SOX5: variants seen among roughly 807,000 people sequenced by gnomAD.
SOX5 encodes the protein SRY-box transcription factor 5.
In SOX5, 9 loss-of-function variants were observed where a neutral mutation model predicts 92.0. That is an observed-to-expected ratio of 0.10 (90% confidence interval 0.06 to 0.17). SOX5 has a LOEUF of 0.17. SOX5 is among the 10% of genes least tolerant of loss of function. The pLI, the probability that SOX5 is intolerant of heterozygous loss-of-function variation, is 1.00. For missense variants in SOX5, 642 were observed against 944.5 expected (o/e 0.68, Z 4.20); for synonymous variants, 344 against 336.3 (o/e 1.02, Z -0.25).
chr12:24,537,594 A>G (rs1951752106), intron 1 of SOX5, among the ~76,000 whole-genome samples: 1 of 152,206 alleles, frequency 6.6e-6, no homozygotes, highest in African/African-American at 2.4e-5. Flanking sequence ...GTCTCATTCA[A>G]GGAATTGTGA....
At chr12:23,812,151 C>T in intron 3 of SOX5, among the ~76,000 whole-genome samples, 1 of 151,922 alleles carries the variant, frequency 6.6e-6, no homozygotes, top group Non-Finnish European at 1.5e-5. Flanking sequence ...AAGAAAAAAG[C>T]CAATAAATTA....
At chr12:24,453,501 C>T (rs1942612028) in intron 1 of SOX5, among the ~76,000 whole-genome samples, 1 of 152,254 alleles carries the variant, frequency 6.6e-6, no homozygotes, top group South Asian at 2.1e-4. Context: ...CTTAACTATC[C>T]TTAAATTGTA....
chr12:24,385,888 T>C (rs1211731440), intron 1 of SOX5, among the ~76,000 whole-genome samples: 1 of 128,768 alleles, frequency 7.8e-6, no homozygotes, highest in African/African-American at 3.1e-5. Flanking sequence ...GCTGTGATCA[T>C]GCCACTCCAG....
In SOX5 at chr12:23,771,363, G is replaced by GCC. The variant is rs1276939537; in HGVS notation, c.482-15641_482-15640dup. 2.6e-5 allele frequency among the ~76,000 whole-genome samples: 4 copies of GCC among 152,238 alleles called. No individual in the cohort carries two copies. In the East Asian group the frequency reaches 7.7e-4, roughly 29 times the overall value. ...ACAACAAAAGACCTACTGTCACTGA[G>GCC]CCAGTCCCAGACATGGTGGAAACCA... On this transcript the variant is annotated intron_variant, in intron 3 of 14. Coordinates refer to ENST00000451604, the MANE Select transcript of SOX5 (RefSeq NM_006940.6).
Position 24,209,966 on chromosome 12 carries a change from C to T in SOX5, c.-2+3377G>A, listed in dbSNP as rs1224675233. 5.5e-5 allele frequency among the ~76,000 whole-genome samples: 7 copies of T among 127,380 alleles called. No individual in the cohort carries two copies. In the Admixed American group the frequency reaches 6.6e-4, roughly 12 times the overall value. The allele number at this position is 127,380 out of a possible 152,430, so 83.6% of individuals were successfully genotyped here. ...CCGGGAGGCGGAGCTTGCAGTGAGCCGAGATCCCGCCACTGCACTCCAGCC... is the reference window on the plus strand; with the variant it reads ...CCGGGAGGCGGAGCTTGCAGTGAGCTGAGATCCCGCCACTGCACTCCAGCC... On this transcript the variant is annotated intron_variant, in intron 4 of 4. Transcript: ENST00000446891.
In SOX5 at chr12:23,980,477, G is replaced by A. The variant is rs189941502; in HGVS notation, c.-1-84453C>T. Among the ~76,000 whole-genome samples, 761 of 152,194 alleles carry A rather than the reference G, an allele frequency of 5.0e-3. 3 individuals carry two copies. The highest frequency in any genetic ancestry group is 0.01 in the Middle Eastern group (3 of 292). On this transcript the variant is annotated intron_variant, in intron 4 of 4. Transcript: ENST00000446891. Reference sequence around the variant, plus strand: ...CACAATGTAGTAAGATGTATGTCCTGTTCATGAAATGACTACCATTGATGT... The same window carrying A: ...CACAATGTAGTAAGATGTATGTCCTATTCATGAAATGACTACCATTGATGT...
intron 11 of SOX5, among the ~76,000 whole-genome samples, chr12:23,551,619 T>C (rs1591988531): frequency 1.3e-5 from 2 of 152,048 alleles, no homozygotes; most frequent in South Asian, 2.1e-4. Context: ...TCCGTGAGAA[T>C]AGCCATAGAC....
At position 24,130,210 on chromosome 12, in the gene SOX5, T is replaced by C. The variant is rs563348191; in HGVS notation, c.-2+83133A>G. Among the ~76,000 whole-genome samples the C allele has an allele frequency of 1.1e-4, 16 of 152,228 alleles. No individual in the cohort carries two copies. The South Asian group carries it at 2.5e-3, about 24-fold the overall frequency. ...GAAAGCAGTGATGTGAAAATACATA[T>C]AGGAATGAAGGACCTAATACATTCC... On this transcript the variant is annotated intron_variant, in intron 4 of 4. Transcript: ENST00000446891.
intron 8 of SOX5, among the ~76,000 whole-genome samples, chr12:23,637,677 C>T (rs900935148): frequency 6.6e-6 from 1 of 152,108 alleles, no homozygotes; most frequent in Non-Finnish European, 1.5e-5. Context: ...CTGGAGAAGG[C>T]AGAATAAAGC....
intron 4 of SOX5, among the ~76,000 whole-genome samples, chr12:24,139,266 C>T (rs933168961): frequency 1.3e-5 from 2 of 152,172 alleles, no homozygotes; most frequent in African/African-American, 2.4e-5. Context: ...TCATTGGGAG[C>T]GAAAGCCAAC....
intron 6 of SOX5, among the ~76,000 whole-genome samples, chr12:23,712,153 T>C (rs1421849188): frequency 6.6e-6 from 1 of 152,158 alleles, no homozygotes; most frequent in Non-Finnish European, 1.5e-5. Context: ...CAGCCACAAC[T>C]CTTAAATCAA....
intron 4 of SOX5, among the ~76,000 whole-genome samples, chr12:24,100,045 A>T (rs1228306602): frequency 1.3e-5 from 2 of 152,148 alleles, no homozygotes; most frequent in African/African-American, 4.8e-5. Context: ...TCAAATTTCG[A>T]ATCTTATACT....
intron 6 of SOX5, among the ~76,000 whole-genome samples, chr12:23,725,384 G>C (rs2093057568): frequency 6.6e-6 from 1 of 152,158 alleles, no homozygotes; most frequent in African/African-American, 2.4e-5. Flanking sequence ...GCAGGCAACA[G>C]AGAGCTTGTG....
At chr12:23,998,522 A>G (rs1035096700) in intron 4 of SOX5, among the ~76,000 whole-genome samples, 2 of 152,026 alleles carry the variant, frequency 1.3e-5, no homozygotes, top group African/African-American at 2.4e-5. Flanking sequence ...AAGGGGCTAA[A>G]GGCCAGGAAT....
intron 5 of SOX5, among the ~76,000 whole-genome samples, chr12:23,739,487 T>C (rs2093719309): frequency 6.6e-6 from 1 of 152,208 alleles, no homozygotes; most frequent in Non-Finnish European, 1.5e-5. Context: ...ATTACTTTTC[T>C]ATAGCATTTA....
chr12:23,731,402 C>T (rs2093387493), intron 6 of SOX5, among the ~76,000 whole-genome samples: 1 of 152,122 alleles, frequency 6.6e-6, no homozygotes, highest in East Asian at 1.9e-4. Flanking sequence ...CTATATCATC[C>T]ATATCTATAT....
chr12:23,586,299 AATTCTTT>A (rs1950735945), intron 9 of SOX5, among the ~76,000 whole-genome samples: 1 of 152,096 alleles, frequency 6.6e-6, no homozygotes, highest in Non-Finnish European at 1.5e-5. Flanking sequence ...GTGGTAGGTT[AATTCTTT>A]AATTTGTTCC....
chr12:23,539,235 G>A (rs1000354423), intron 13 of SOX5, among the ~76,000 whole-genome samples: 2 of 152,128 alleles, frequency 1.3e-5, no homozygotes, highest in African/African-American at 2.4e-5. Context: ...CTTGGAATGC[G>A]AGAGCTGTTT....
chr12:23,961,342 A>C lies in SOX5; in HGVS notation c.-1-65318T>G, dbSNP rs1946905811. Among the ~76,000 whole-genome samples the C allele has an allele frequency of 2.0e-5, 3 of 152,298 alleles. No individual in the cohort carries two copies. The East Asian group carries it at 5.8e-4, about 29-fold the overall frequency. ...CTGACATTATAAATCAAAACTGCTT[A>C]AAACATATCATATATGATTGTTCAT... On this transcript the variant is annotated intron_variant, in intron 4 of 4. Coordinates refer to the SOX5 transcript ENST00000446891.
Sources: allele counts gnomAD v4.1 joint callset (sites outside exome capture counted in the v4.1 genomes callset), GRCh38; gene constraint gnomAD v4.1.1; transcripts MANE v1.5; gene names NCBI Gene and HGNC (gene_info 2026-07-23, HGNC 2026-07-21).